Variants in FRMD4B observed in about 807,000 individuals in gnomAD.
The protein encoded by FRMD4B is FERM domain containing 4B.
A neutral mutation model predicts 141.5 loss-of-function variants in FRMD4B; 74 were observed. That is an observed-to-expected ratio of 0.52 (90% confidence interval 0.43 to 0.63). FRMD4B has a LOEUF of 0.63. FRMD4B is among the 30% of genes least tolerant of loss of function. The pLI is 0.00. For synonymous variants in FRMD4B, 506 were observed against 467.9 expected (o/e 1.08, Z -1.05); for missense variants, 1,366 against 1,253.4 (o/e 1.09, Z -1.36).
chr3:69,209,775 C>T (rs911368221), intron 11 of FRMD4B, among the ~76,000 whole-genome samples: 11 of 152,156 alleles, frequency 7.2e-5, no homozygotes, highest in Non-Finnish European at 4.4e-5. Context: ...TATTTTCTTC[C>T]ATACCATGCT....
At chr3:69,304,558 C>T (rs990021134) in intron 3 of FRMD4B, among the ~76,000 whole-genome samples, 1 of 149,704 alleles carries the variant, frequency 6.7e-6, no homozygotes, top group Non-Finnish European at 1.5e-5. Flanking sequence ...ATATTATGGG[C>T]TTACTGAGAT....
chr3:69,505,533 A>G (rs750469474), intron 1 of FRMD4B, among the ~76,000 whole-genome samples: 6 of 152,224 alleles, frequency 3.9e-5, no homozygotes, highest in Non-Finnish European at 5.9e-5. Context: ...TCTTTAAAGC[A>G]TCTCACTTTG....
rs1286350799 is a variant in FRMD4B, at chr3:69,218,377, T to A, written c.734A>T (p.Tyr245Phe). 7.3e-7 allele frequency: 1 copy of A among 1,374,284 alleles called. No individual in the cohort carries two copies. Among genetic ancestry groups the A allele is most frequent in the Non-Finnish European group, 1.0e-6 (1 of 969,038 alleles). The allele number at this position is 1,374,284 out of a possible 1,614,324, so 85.1% of individuals were successfully genotyped here. A position where few individuals can be genotyped will look rare whatever the true frequency, so the allele number is the denominator to read the frequency against. The part of the protein sequence containing the change: ...GLTRGQAVVQ[Y>F]MKIVEALPTY... ...CGGTAGAGCTTCTACTATTTTCATA[T>A]ACCTATGGAAAATAAATATGTATCA... Residue 245 changes from tyrosine to phenylalanine, a missense_variant and splice_region_variant, in exon 10 of 23, where the codon TAT becomes TTT. By Grantham distance (22) the Tyr-to-Phe change is conservative. Coordinates refer to ENST00000398540, the MANE Select transcript of FRMD4B (RefSeq NM_015123.3).
chr3:69,328,509 C>T (rs1014655331), intron 1 of FRMD4B, among the ~76,000 whole-genome samples: 1 of 152,124 alleles, frequency 6.6e-6, no homozygotes, highest in African/African-American at 2.4e-5. Flanking sequence ...ACCTACTGGG[C>T]TGCATTCACA....
At chr3:69,251,113 T>C (rs777749521) in intron 5 of FRMD4B, among the ~76,000 whole-genome samples, 97 of 152,096 alleles carry the variant, frequency 6.4e-4, no homozygotes, top group Non-Finnish European at 1.2e-3. Flanking sequence ...TAAAAAAAGG[T>C]TTTAGTGGTA....
chr3:69,527,598 T>A (rs531311736), intron 1 of FRMD4B, among the ~76,000 whole-genome samples: 9 of 152,350 alleles, frequency 5.9e-5, no homozygotes, highest in Admixed American at 4.6e-4. Context: ...GGGATATTTT[T>A]AAAATACAAT....
At chr3:69,492,299 G>T (rs1036866524) in intron 1 of FRMD4B, among the ~76,000 whole-genome samples, 1 of 152,168 alleles carries the variant, frequency 6.6e-6, no homozygotes, top group Admixed American at 6.5e-5. Context: ...AAGGGCCAGC[G>T]ATCCCTCTTT....
chr3:69,496,040 T>G (rs1463873733), intron 1 of FRMD4B, among the ~76,000 whole-genome samples: 1 of 152,194 alleles, frequency 6.6e-6, no homozygotes, highest in Non-Finnish European at 1.5e-5. Context: ...TTTCAAATAT[T>G]TTTATTTATA....
chr3:69,270,569 C>CTTTTTTTTT (rs57693333), intron 5 of FRMD4B, among the ~76,000 whole-genome samples: 5 of 144,830 alleles, frequency 3.5e-5, no homozygotes, highest in South Asian at 2.2e-4. Context: ...TTCTTTTTTT[C>CTTTTTTTTT]TTTTTTTTTT....
At chr3:69,281,902 C>T (rs1229410603) in intron 5 of FRMD4B, among the ~76,000 whole-genome samples, 1 of 150,490 alleles carries the variant, frequency 6.6e-6, no homozygotes, top group Admixed American at 6.6e-5. Context: ...ATTCCTTTTT[C>T]AGACCATGCT....
At chr3:69,367,862 G>T (rs1703712810) in intron 1 of FRMD4B, among the ~76,000 whole-genome samples, 1 of 152,138 alleles carries the variant, frequency 6.6e-6, no homozygotes, top group African/African-American at 2.4e-5. Flanking sequence ...CTTACATTTT[G>T]ACTGGAAACA....
At chr3:69,532,848 A>G (rs1206275551) in intron 1 of FRMD4B, among the ~76,000 whole-genome samples, 1 of 152,232 alleles carries the variant, frequency 6.6e-6, no homozygotes, top group East Asian at 1.9e-4. Flanking sequence ...CCCCACTGAC[A>G]CTGTCGGCTG....
chr3:69,215,724 C>T (rs2107725725), intron 11 of FRMD4B, among the ~76,000 whole-genome samples: 1 of 152,302 alleles, frequency 6.6e-6, no homozygotes, highest in African/African-American at 2.4e-5. Flanking sequence ...TGAGAGATCA[C>T]TAGCACCAAA....
intron 11 of FRMD4B, among the ~76,000 whole-genome samples, chr3:69,202,852 TAGAA>T (rs35015421): frequency 0.088 from 13,428 of 151,966 alleles, 577 homozygotes; most frequent in Middle Eastern, 0.11. Flanking sequence ...CAAAAGTAAA[TAGAA>T]AGATAAAATA....
chr3:69,350,717 C>T (rs1008980165), intron 1 of FRMD4B, among the ~76,000 whole-genome samples: 3 of 151,836 alleles, frequency 2.0e-5, no homozygotes, highest in Non-Finnish European at 2.9e-5. Context: ...AGCAAACTAT[C>T]GCAAGGACAA....
chr3:69,311,201 GAAGACAGC>G (rs1372733563), intron 3 of FRMD4B, 54 bp downstream of exon 3: 6 of 732,204 alleles, frequency 8.2e-6, no homozygotes, highest in Non-Finnish European at 1.4e-5. Flanking sequence ...GTTAATTATG[GAAGACAGC>G]AAGTAGGTAG....
intron 1 of FRMD4B, among the ~76,000 whole-genome samples, chr3:69,331,855 C>T (rs1291123591): frequency 6.6e-6 from 1 of 151,968 alleles, no homozygotes; most frequent in South Asian, 2.1e-4. Context: ...TTTGGGAGGC[C>T]GAGGTGGGTG....
intron 18 of FRMD4B, among the ~76,000 whole-genome samples, 152 bp downstream of exon 18, chr3:69,189,744 C>T (rs1046644979): frequency 2.0e-5 from 3 of 152,196 alleles, no homozygotes; most frequent in African/African-American, 7.2e-5. Flanking sequence ...TAATCATACA[C>T]TTCCTTTCCC....
intron 1 of FRMD4B, among the ~76,000 whole-genome samples, chr3:69,496,583 A>C (rs1438820487): frequency 6.7e-6 from 1 of 149,818 alleles, no homozygotes; most frequent in Non-Finnish European, 1.5e-5. Context: ...CATAAAGAAG[A>C]GTACAGGTGA....
Sources: allele counts gnomAD v4.1 joint callset (sites outside exome capture counted in the v4.1 genomes callset), GRCh38; gene constraint gnomAD v4.1.1; transcripts MANE v1.5; gene names NCBI Gene and HGNC (gene_info 2026-07-23, HGNC 2026-07-21).